CACUL1: variants seen among roughly 807,000 people sequenced by gnomAD.
The protein encoded by CACUL1 is CDK2 associated cullin domain 1, also known as CDK2-associated and cullin domain-containing protein 1.
Under a neutral mutation model 45.2 loss-of-function variants are expected in CACUL1, and 13 were observed. The ratio of observed to expected loss-of-function variants is 0.29; its 90% CI spans 0.19 to 0.46. The LOEUF is 0.46. Among genes scored for constraint, CACUL1 ranks in the 20% least tolerant of loss-of-function variants. CACUL1 has a pLI of 1.00. For synonymous variants in CACUL1, 197 were observed against 174.2 expected, an observed-to-expected ratio of 1.13 and a Z score of -1.03; for missense variants, 421 against 471.4, an observed-to-expected ratio of 0.89 and a Z score of 0.99.
chr10:118,691,567 T>G, intron 6 of CACUL1, 164 bp from the exon 7 acceptor site: 1 of 646,432 alleles, frequency 1.5e-6, no homozygotes, highest in South Asian at 1.8e-5. Context: ...TAAATTTCCC[T>G]TCTAAAAAGA....
At chr10:118,737,113 T>C in intron 1 of CACUL1, among the ~76,000 whole-genome samples, 1 of 148,482 alleles carries the variant, frequency 6.7e-6, no homozygotes, top group Admixed American at 6.8e-5. Flanking sequence ...TACTTTAACA[T>C]ATCTGTTCCT....
At chr10:118,696,331 T>C (rs1845322234) in intron 5 of CACUL1, among the ~76,000 whole-genome samples, 1 of 151,898 alleles carries the variant, frequency 6.6e-6, no homozygotes, top group Non-Finnish European at 1.5e-5. Context: ...AAAAAAAAAT[T>C]GCAAAAAAAC....
Position 118,687,877 on chromosome 10 carries a change from A to G in CACUL1, c.1026-1236T>C, listed in dbSNP as rs143080881. Among the ~76,000 whole-genome samples, 37 of 152,344 alleles carry G rather than the reference A, an allele frequency of 2.4e-4. No individual in the cohort carries two copies. The East Asian group carries it at 6.9e-3, about 29-fold the overall frequency. ...GTTATTTGCCTCCCAACATCAGAAC[A>G]TAAGTTCCATGAAAACAGGAACTTG... is the stretch of plus-strand genomic sequence containing the variant. On this transcript the variant is annotated intron_variant, in intron 7 of 8. Transcript: ENST00000369151.
At chr10:118,727,403 T>TAAA (rs11454535) in intron 3 of CACUL1, among the ~76,000 whole-genome samples, 6,473 of 144,478 alleles carry the variant, frequency 0.045, 454 homozygotes, top group African/African-American at 0.15. Flanking sequence ...TCAAAAAAAT[T>TAAA]AAAAAAAAAA....
intron 5 of CACUL1, among the ~76,000 whole-genome samples, chr10:118,696,286 A>G (rs1845321527): frequency 6.6e-6 from 1 of 152,194 alleles, no homozygotes; most frequent in Non-Finnish European, 1.5e-5. Flanking sequence ...GTCTTGGGCC[A>G]CACATAAAAT....
At chr10:118,746,911 C>T (rs1253611046) in intron 1 of CACUL1, among the ~76,000 whole-genome samples, 1 of 152,224 alleles carries the variant, frequency 6.6e-6, no homozygotes, top group African/African-American at 2.4e-5. Context: ...TCCCCAACCC[C>T]AGGCCACAGG....
At chr10:118,691,107 A>G (rs1257848314) in intron 7 of CACUL1, among the ~76,000 whole-genome samples, 158 bp downstream of exon 7, 1 of 152,202 alleles carries the variant, frequency 6.6e-6, no homozygotes, top group Non-Finnish European at 1.5e-5. Context: ...CCTAGCTTCA[A>G]CATTTCTACA....
At chr10:118,710,226 C>G (rs1048848714) in intron 3 of CACUL1, among the ~76,000 whole-genome samples, 3 of 151,916 alleles carry the variant, frequency 2.0e-5, no homozygotes, top group Admixed American at 2.0e-4. Context: ...ACACCCAGCG[C>G]ATTTCTTTTT....
rs1203959774 is a variant in CACUL1 at position 118,686,530 on chromosome 10, C to T, written c.1069+68G>A. The T allele has an allele frequency of 1.9e-5, 21 of 1,134,360 alleles. No individual in the cohort carries two copies. The South Asian group carries it at 2.6e-4, about 14-fold the overall frequency. The allele number at this position is 1,134,360 out of a possible 1,614,324, so 70.3% of individuals were successfully genotyped here. On this transcript the variant is annotated intron_variant, in intron 8 of 8. Transcript: ENST00000369151. Reference sequence around the variant, plus strand: ...ATCATCAAATTCAATGCACTGTTATCACAGTGCATTAATATGGCTGCTTTA... The same window carrying T: ...ATCATCAAATTCAATGCACTGTTATTACAGTGCATTAATATGGCTGCTTTA...
Position 118,682,148 on chromosome 10 carries a change from G to GT in CACUL1, c.*3979dup, listed in dbSNP as rs1845159388. 1 of 152,196 alleles carries GT rather than the reference G, an allele frequency of 6.6e-6. No individual in the cohort carries two copies. The highest frequency in any genetic ancestry group is 2.1e-4 in the South Asian group (1 of 4,828). 9.4% of individuals were successfully genotyped at this position (152,196 alleles called of 1,614,324 possible). A position where few individuals can be genotyped will look rare whatever the true frequency, so the allele number is the denominator to read the frequency against. ...TTAAAAGGCCTAGACTTGGATTAAAGTAAACGTAATATTCCAAGCTAAAAG... is the reference window on the plus strand; with the variant it reads ...TTAAAAGGCCTAGACTTGGATTAAAGTTAAACGTAATATTCCAAGCTAAAAG... On this transcript the variant is annotated 3_prime_UTR_variant, in exon 9 of 9. Coordinates refer to ENST00000369151, the MANE Select transcript of CACUL1 (RefSeq NM_153810.5).
intron 3 of CACUL1, among the ~76,000 whole-genome samples, chr10:118,713,510 A>G (rs941441563): frequency 2.6e-5 from 4 of 152,192 alleles, no homozygotes; most frequent in East Asian, 3.9e-4. Context: ...TGCCATCACC[A>G]TTACTCCAAA....
intron 3 of CACUL1, among the ~76,000 whole-genome samples, chr10:118,723,185 A>G (rs919623551): frequency 6.6e-6 from 1 of 152,124 alleles, no homozygotes; most frequent in Admixed American, 6.5e-5. Context: ...TGTACTTTTA[A>G]AAAATCCTTT....
Position 118,679,227 on chromosome 10 carries a change from G to C in CACUL1, c.*6901C>G, listed in dbSNP as rs1845126833. ...ACTTTTTTTGTGTTTTTTTGAGACA[G>C]AGTCTCGCTCTGTTGCTCAGGCCAG... On this transcript the variant is annotated 3_prime_UTR_variant, in exon 9 of 9. Coordinates refer to ENST00000369151, the MANE Select transcript of CACUL1 (RefSeq NM_153810.5). The C allele has an allele frequency of 6.6e-6, 1 of 152,012 alleles. No homozygotes were observed. The highest frequency in any genetic ancestry group is 1.5e-5 in the Non-Finnish European group (1 of 68,038). The allele number at this position is 152,012 out of a possible 1,614,324, so 9.4% of individuals were successfully genotyped here.
At position 118,686,619 on chromosome 10, in the gene CACUL1, C is replaced by G; in HGVS notation, c.1048G>C (p.Ala350Pro). 2 of 1,613,670 alleles carry G rather than the reference C, an allele frequency of 1.2e-6. No individual in the cohort carries two copies. Among genetic ancestry groups the G allele is most frequent in the Non-Finnish European group, 1.7e-6 (2 of 1,179,540 alleles). ...FTRGDQSRKR[A>P]GDELAYNSSS... is the part of the protein sequence containing the mutation. ...TTACTATAAGCCAACTCATCCCCAG[C>G]TCTCTTCCGGGACTGGTCACCCCTG... Residue 350 changes from alanine (A) to proline (P), a missense_variant, in exon 8 of 9, where the codon GCT (alanine) becomes CCT (proline). By Grantham distance (27) the Ala-to-Pro change is conservative. Coordinates refer to ENST00000369151, the MANE Select transcript of CACUL1 (RefSeq NM_153810.5).
chr10:118,726,315 T>G, intron 3 of CACUL1: 1 of 1,288,262 alleles, frequency 7.8e-7, no homozygotes, highest in Non-Finnish European at 1.0e-6. Context: ...CATCTGAAGC[T>G]AATTATGCTA....
At chr10:118,694,462 T>G (rs773281026) in intron 6 of CACUL1, among the ~76,000 whole-genome samples, 1 of 152,254 alleles carries the variant, frequency 6.6e-6, no homozygotes, top group Non-Finnish European at 1.5e-5. Flanking sequence ...ATTTATAGAT[T>G]GTAGAACAAC....
intron 1 of CACUL1, among the ~76,000 whole-genome samples, chr10:118,744,728 T>C (rs1845825747): frequency 6.6e-6 from 1 of 152,168 alleles, no homozygotes. Context: ...CGGTCTCAGC[T>C]CACTGCAACC....
At chr10:118,687,344 C>G (rs1845217692) in intron 7 of CACUL1, among the ~76,000 whole-genome samples, 1 of 152,208 alleles carries the variant, frequency 6.6e-6, no homozygotes. Context: ...TTTATATACA[C>G]TGGCAAGTTT....
At chr10:118,713,983 TATTA>T (rs1250701303) in intron 3 of CACUL1, among the ~76,000 whole-genome samples, 3 of 152,248 alleles carry the variant, frequency 2.0e-5, no homozygotes, top group Admixed American at 1.3e-4. Flanking sequence ...TAAAAATACT[TATTA>T]ATTCATTCTA....
Sources: allele counts gnomAD v4.1 joint callset (sites outside exome capture counted in the v4.1 genomes callset), GRCh38; gene constraint gnomAD v4.1.1; transcripts MANE v1.5; gene names NCBI Gene and HGNC (gene_info 2026-07-23, HGNC 2026-07-21).